GALNT13: variants seen among roughly 807,000 people sequenced by gnomAD.
GALNT13 encodes the protein polypeptide N-acetylgalactosaminyltransferase 13, also known as UDP-GalNAc:polypeptide N-acetylgalactosaminyltransferase 13.
A neutral mutation model predicts 64.2 loss-of-function variants in GALNT13; 28 were observed. The ratio of observed to expected loss-of-function variants is 0.44; its 90% CI spans 0.32 to 0.60. The LOEUF (loss-of-function observed/expected upper bound fraction) is 0.60, where lower values mean the gene tolerates loss of function less well. Ranked by LOEUF, GALNT13 falls within the 20% of genes least tolerant of loss-of-function variation. The pLI, the probability that GALNT13 is intolerant of heterozygous loss-of-function variation, is 0.05. For synonymous variants in GALNT13, 214 were observed against 224.6 expected (o/e 0.95, Z 0.42); for missense variants, 577 against 669.8 (o/e 0.86, Z 1.53).
chr2:153,544,201 T>A, the GALNT13 span, among the ~76,000 whole-genome samples: 1 of 152,232 alleles, frequency 6.6e-6, no homozygotes, highest in African/African-American at 2.4e-5. Flanking sequence ...ATAGTAAGAT[T>A]TAAGAAATAA....
At chr2:154,218,750 C>T (rs1312416299) in intron 4 of GALNT13, among the ~76,000 whole-genome samples, 1 of 152,150 alleles carries the variant, frequency 6.6e-6, no homozygotes, top group African/African-American at 2.4e-5. Flanking sequence ...CCTCTTTTGC[C>T]TTTCATACCT....
At chr2:154,173,275 A>G (rs1169981784) in intron 4 of GALNT13, among the ~76,000 whole-genome samples, 1 of 151,998 alleles carries the variant, frequency 6.6e-6, no homozygotes, top group East Asian at 1.9e-4. Context: ...GGATAACTGT[A>G]GAAGAATGAA....
the GALNT13 span, among the ~76,000 whole-genome samples, chr2:153,547,463 T>C: frequency 1.3e-5 from 2 of 152,166 alleles, no homozygotes; most frequent in African/African-American, 4.8e-5. Flanking sequence ...GGCTGAGAAA[T>C]TGGAAGAGAA....
the GALNT13 span, among the ~76,000 whole-genome samples, chr2:153,257,175 T>G: frequency 6.6e-6 from 1 of 152,170 alleles, no homozygotes; most frequent in Non-Finnish European, 1.5e-5. Context: ...TTTAAGCCCG[T>G]CGGAAAAGCG....
intron 11 of GALNT13, among the ~76,000 whole-genome samples, chr2:154,432,492 A>G (rs1700755524): frequency 6.6e-6 from 1 of 152,230 alleles, no homozygotes; most frequent in South Asian, 2.1e-4. Flanking sequence ...ACTGCAAACT[A>G]GGTTGCTTAA....
intron 7 of GALNT13, among the ~76,000 whole-genome samples, chr2:154,256,245 C>A (rs187328672): frequency 6.8e-6 from 1 of 147,230 alleles, no homozygotes; most frequent in Non-Finnish European, 1.5e-5. Flanking sequence ...CACCCAAGCA[C>A]CAAAATTTAA....
At chr2:153,979,775 A>G (rs1694334584) in intron 3 of GALNT13, among the ~76,000 whole-genome samples, 2 of 152,350 alleles carry the variant, frequency 1.3e-5, no homozygotes, top group East Asian at 1.9e-4. Context: ...GGGCAGATTC[A>G]GCATCTACGT....
intron 2 of GALNT13, among the ~76,000 whole-genome samples, chr2:153,934,038 G>A (rs997441258): frequency 2.0e-5 from 3 of 152,022 alleles, no homozygotes; most frequent in Non-Finnish European, 4.4e-5. Context: ...TTTCTTTCAT[G>A]TTGACCTTGG....
chr2:154,185,797 A>T (rs1686217528), intron 4 of GALNT13, among the ~76,000 whole-genome samples: 1 of 152,000 alleles, frequency 6.6e-6, no homozygotes, highest in African/African-American at 2.4e-5. Flanking sequence ...GATTATTTCT[A>T]AATGATTACC....
intron 3 of GALNT13, among the ~76,000 whole-genome samples, chr2:153,999,706 A>G (rs1429195107): frequency 6.6e-6 from 1 of 151,890 alleles, no homozygotes; most frequent in Non-Finnish European, 1.5e-5. Flanking sequence ...TATATTGTCG[A>G]TTCTGGTTTG....
At chr2:154,309,239 T>C (rs1045824908) in intron 9 of GALNT13, among the ~76,000 whole-genome samples, 5 of 152,154 alleles carry the variant, frequency 3.3e-5, no homozygotes, top group Non-Finnish European at 7.3e-5. Context: ...GATTCCTCCT[T>C]CTCGCCCACA....
At chr2:153,338,049 A>G in the GALNT13 span, among the ~76,000 whole-genome samples, 1 of 152,248 alleles carries the variant, frequency 6.6e-6, no homozygotes, top group Non-Finnish European at 1.5e-5. Context: ...TCTTCCTATG[A>G]TCTCAGTACT....
intron 3 of GALNT13, among the ~76,000 whole-genome samples, chr2:154,009,171 T>TC (rs906852135): frequency 8.6e-5 from 13 of 151,330 alleles, no homozygotes; most frequent in African/African-American, 3.2e-4. Context: ...CATTGCTTCT[T>TC]TTTTTTTCTT....
the GALNT13 span, among the ~76,000 whole-genome samples, chr2:153,321,972 T>TTGTGTGTGTG: frequency 0.11 from 17,008 of 149,178 alleles, 1,088 homozygotes; most frequent in Middle Eastern, 0.19. Context: ...GTGTGTAAAG[T>TTGTGTGTGTG]TGTGTGTGTG....
At chr2:154,162,640 T>C (rs1048375251) in intron 4 of GALNT13, among the ~76,000 whole-genome samples, 5 of 152,204 alleles carry the variant, frequency 3.3e-5, no homozygotes, top group African/African-American at 1.2e-4. Flanking sequence ...TTTTTATATA[T>C]GCATTATTTG....
At chr2:154,091,488 C>A (rs1574484110) in intron 3 of GALNT13, among the ~76,000 whole-genome samples, 1 of 151,740 alleles carries the variant, frequency 6.6e-6, no homozygotes, top group African/African-American at 2.4e-5. Flanking sequence ...TTGTATTAAA[C>A]ATTACAAAAT....
At chr2:154,012,445 C>T (rs548088051) in intron 3 of GALNT13, among the ~76,000 whole-genome samples, 1 of 152,248 alleles carries the variant, frequency 6.6e-6, no homozygotes, top group South Asian at 2.1e-4. Context: ...CATTGTTAGC[C>T]TGACGGGGTT....
At chr2:154,361,339 A>C (rs1445009492) in intron 9 of GALNT13, among the ~76,000 whole-genome samples, 1 of 152,078 alleles carries the variant, frequency 6.6e-6, no homozygotes, top group Non-Finnish European at 1.5e-5. Context: ...TCCAATTCTG[A>C]TACTGTTTAA....
rs563770737 is a variant in GALNT13, at chr2:154,361,257, G to A, written c.1157-34734G>A. Among the ~76,000 whole-genome samples the A allele has an allele frequency of 4.6e-5, 7 of 152,156 alleles. No individual in the cohort carries two copies. In the South Asian group the frequency reaches 1.2e-3, roughly 27 times the overall value. On this transcript the variant is annotated intron_variant, in intron 9 of 12. Coordinates refer to ENST00000392825, the MANE Select transcript of GALNT13 (RefSeq NM_052917.4). ...TAATTTGTATGATGTATCCATATAC[G>A]GTTTATATGCATATATAGCATAAAC...
Sources: allele counts gnomAD v4.1 joint callset (sites outside exome capture counted in the v4.1 genomes callset), GRCh38; gene constraint gnomAD v4.1.1; transcripts MANE v1.5; gene names NCBI Gene and HGNC (gene_info 2026-07-23, HGNC 2026-07-21).